Variants in ZNF695 observed in about 807,000 individuals in gnomAD.
ZNF695 encodes zinc finger protein 695.
In ZNF695, 11 loss-of-function variants were observed where a neutral mutation model predicts 11.2. That is an observed-to-expected ratio of 0.98 (90% confidence interval 0.62 to 1.62). The LOEUF (loss-of-function observed/expected upper bound fraction) is 1.62, where lower values mean the gene tolerates loss of function less well. Ranked by LOEUF, ZNF695 falls within the 40% of genes most tolerant of loss-of-function variation. ZNF695 has a pLI of 0.00. For synonymous variants in ZNF695, 190 were observed against 201.4 expected, an observed-to-expected ratio of 0.94 and a Z score of 0.48; for missense variants, 559 against 590.5, an observed-to-expected ratio of 0.95 and a Z score of 0.55.
intron 5 of ZNF695, among the ~76,000 whole-genome samples, chr1:246,948,352 G>A (rs1667790291): frequency 6.6e-6 from 1 of 152,114 alleles, no homozygotes; most frequent in Admixed American, 6.6e-5. Flanking sequence ...GGGATTACAG[G>A]TGTGAGCCAC....
At chr1:246,975,139 T>C (rs1431541408) in intron 4 of ZNF695, among the ~76,000 whole-genome samples, 1 of 152,202 alleles carries the variant, frequency 6.6e-6, no homozygotes, top group Admixed American at 6.5e-5. Flanking sequence ...CATTGTGAGT[T>C]CCATAGGCTA....
In ZNF695 at chr1:246,987,310, T is replaced by G; in HGVS notation, c.1205A>C (p.His402Pro). ...FSYLIQHKRI[H>P]TGQKPYKCEE... ...ACATTTGTAGGGTTTCTGCCCAGTA[T>G]GAATTCTCTTATGCTGAATAAGGTA... The change falls in exon 4 of 4, where the codon CAT becomes CCT. Residue 402 changes from histidine (H) to proline (P), a missense_variant. Physicochemically the swap from His to Pro is moderately conservative, Grantham distance 77. Transcript: ENST00000339986. 1 of 1,613,842 alleles carries G rather than the reference T, an allele frequency of 6.2e-7. No individual in the cohort carries two copies. The highest frequency in any genetic ancestry group is 1.1e-5 in the South Asian group (1 of 91,064).
At chr1:246,990,466 T>C (rs1337042694) in intron 3 of ZNF695, among the ~76,000 whole-genome samples, 1 of 152,194 alleles carries the variant, frequency 6.6e-6, no homozygotes, top group Non-Finnish European at 1.5e-5. Context: ...CCCAGATATA[T>C]AAGGCAAATA....
intron 3 of ZNF695, among the ~76,000 whole-genome samples, chr1:246,998,186 T>C (rs1361282028): frequency 6.6e-6 from 1 of 152,164 alleles, no homozygotes; most frequent in African/African-American, 2.4e-5. Context: ...ATTATACACA[T>C]ACATATATAC....
chr1:246,969,804 T>C (rs1462978994), intron 4 of ZNF695: 1 of 152,200 alleles, frequency 6.6e-6, no homozygotes, highest in Non-Finnish European at 1.5e-5. Flanking sequence ...CATCTTCACA[T>C]AGCTGGTGGA....
At chr1:247,003,249 C>G (rs1669441769) in intron 1 of ZNF695, among the ~76,000 whole-genome samples, 1 of 152,160 alleles carries the variant, frequency 6.6e-6, no homozygotes, top group Non-Finnish European at 1.5e-5. Flanking sequence ...AATAAAATGA[C>G]ATACATGAAC....
intron 3 of ZNF695, among the ~76,000 whole-genome samples, chr1:246,998,860 C>T (rs1050808972): frequency 1.6e-4 from 25 of 151,944 alleles, no homozygotes; most frequent in Admixed American, 2.0e-4. Flanking sequence ...CCCAGCTACT[C>T]GGGAGACTGA....
intron 1 of ZNF695, among the ~76,000 whole-genome samples, chr1:247,005,692 C>CA (rs960549534): frequency 7.3e-5 from 11 of 151,410 alleles, no homozygotes; most frequent in South Asian, 4.2e-4. Context: ...AACAAACAAA[C>CA]AAAAAAAACG....
At chr1:246,963,727 G>A (rs1668220273) in intron 5 of ZNF695, among the ~76,000 whole-genome samples, 1 of 152,192 alleles carries the variant, frequency 6.6e-6, no homozygotes. Flanking sequence ...TTGCTAAAAT[G>A]TGTGTGGAGT....
chr1:246,955,464 T>C (rs1667972994), intron 5 of ZNF695, among the ~76,000 whole-genome samples: 1 of 152,212 alleles, frequency 6.6e-6, no homozygotes, highest in Non-Finnish European at 1.5e-5. Context: ...TGACAAAATG[T>C]GTATAAGTAA....
intron 3 of ZNF695, among the ~76,000 whole-genome samples, chr1:246,990,602 T>A (rs1669003554): frequency 6.6e-6 from 1 of 152,234 alleles, no homozygotes; most frequent in Non-Finnish European, 1.5e-5. Context: ...ATCTGCACTA[T>A]ATGCCAAATG....
intron 4 of ZNF695, among the ~76,000 whole-genome samples, chr1:246,977,383 A>G (rs957839754): frequency 3.9e-5 from 6 of 152,160 alleles, no homozygotes; most frequent in East Asian, 1.9e-4. Flanking sequence ...CAGCCTCCTG[A>G]GTAGCTGAGA....
chr1:247,007,925 G>T lies in ZNF695; in HGVS notation c.-17C>A. ...ACTCACCATTTCCCAGCTTTTGGGG[G>T]TCCCAGCGTCCTCCCTATAAATCTC... On this transcript the variant is annotated 5_prime_UTR_variant, in exon 1 of 4. Transcript: ENST00000339986. The T allele has an allele frequency of 6.6e-7, 1 of 1,523,430 alleles. No homozygotes were observed. Among genetic ancestry groups the T allele is most frequent in the Non-Finnish European group, 8.9e-7 (1 of 1,127,936 alleles). The allele number at this position is 1,523,430 out of a possible 1,614,324, so 94.4% of individuals were successfully genotyped here.
intron 3 of ZNF695, among the ~76,000 whole-genome samples, chr1:246,992,045 T>A (rs563845180): frequency 6.6e-6 from 1 of 151,984 alleles, no homozygotes; most frequent in South Asian, 2.1e-4. Flanking sequence ...GCACCTGCAG[T>A]CGCAGCTACT....
chr1:246,962,121 C>A (rs954619965), intron 5 of ZNF695, among the ~76,000 whole-genome samples: 3 of 152,226 alleles, frequency 2.0e-5, no homozygotes, highest in African/African-American at 7.2e-5. Flanking sequence ...AAAGCCCTGG[C>A]TAACAAATTA....
At chr1:246,978,605 T>C (rs944232854) in intron 4 of ZNF695, among the ~76,000 whole-genome samples, 4 of 152,202 alleles carry the variant, frequency 2.6e-5, no homozygotes, top group Non-Finnish European at 5.9e-5. Flanking sequence ...TGTTCATACA[T>C]TTTTGGAGTT....
intron 3 of ZNF695, among the ~76,000 whole-genome samples, chr1:246,996,738 A>T (rs1669221358): frequency 1.3e-5 from 2 of 152,180 alleles, no homozygotes; most frequent in Non-Finnish European, 2.9e-5. Flanking sequence ...TAAAAATGAA[A>T]ATCTTGGTGA....
intron 5 of ZNF695, among the ~76,000 whole-genome samples, chr1:246,957,941 A>G (rs1472923668): frequency 6.6e-6 from 1 of 152,062 alleles, no homozygotes; most frequent in African/African-American, 2.4e-5. Context: ...TACTACATGC[A>G]TCCTACATGC....
intron 4 of ZNF695, among the ~76,000 whole-genome samples, chr1:246,976,617 AC>A (rs1668569365): frequency 6.6e-6 from 1 of 151,484 alleles, no homozygotes; most frequent in South Asian, 2.1e-4. Context: ...ACACGGTGAA[AC>A]CCCGTCTCTA....
Sources: gnomAD v4.1 joint callset for allele counts (sites outside exome capture counted in the v4.1 genomes callset) on GRCh38, gnomAD v4.1.1 for gene constraint, MANE v1.5 for transcripts, NCBI Gene and HGNC (gene_info 2026-07-23, HGNC 2026-07-21) for gene names.